Variants in ZEB2 observed in about 807,000 individuals in gnomAD.
ZEB2 encodes the protein zinc finger E-box-binding homeobox 2.
ZEB2 carries 6 observed loss-of-function variants against 99.9 expected under a neutral mutation model. The ratio of observed to expected loss-of-function variants is 0.06; its 90% CI spans 0.03 to 0.12. The LOEUF is 0.12. ZEB2 is among the 10% of genes least tolerant of loss of function. ZEB2 has a pLI of 1.00. For missense variants in ZEB2, 969 were observed against 1,502.8 expected (o/e 0.64, Z 5.87); for synonymous variants, 517 against 542.5 (o/e 0.95, Z 0.65).
chr2:144,429,601 TTACTATCACTTCA>T, intron 3 of ZEB2, 155 bp downstream of exon 3: 1 of 1,053,130 alleles, frequency 9.5e-7, no homozygotes, highest in African/African-American at 1.6e-5. Context: ...TGTGATAACA[TTACTATCACTTCA>T]TAATCTGTCA....
intron 2 of ZEB2, among the ~76,000 whole-genome samples, chr2:144,514,633 T>C (rs1705099239): frequency 6.6e-6 from 1 of 152,218 alleles, no homozygotes; most frequent in Non-Finnish European, 1.5e-5. Context: ...GGGGTGGTAG[T>C]ACTCTTCTAC....
intron 2 of ZEB2, among the ~76,000 whole-genome samples, chr2:144,434,368 G>C (rs1403605387): frequency 6.6e-6 from 1 of 152,086 alleles, no homozygotes; most frequent in East Asian, 1.9e-4. Flanking sequence ...CAATTTATTT[G>C]GAGAAATATA....
intron 2 of ZEB2, among the ~76,000 whole-genome samples, chr2:144,441,164 C>CGAGA (rs113731061): frequency 0.15 from 12,959 of 88,696 alleles, 1,314 homozygotes; most frequent in Admixed American, 0.18. Context: ...TTTAGCTGCA[C>CGAGA]GAGAGAGAGA....
Position 144,388,705 on chromosome 2 carries a change from C to A in ZEB2, c.*746G>T. The A allele has an allele frequency of 4.1e-6, 1 of 244,212 alleles. No homozygotes were observed. The allele number at this position is 244,212 out of a possible 1,614,324, so 15.1% of individuals were successfully genotyped here. ...CTGGTGCAAAGGTAACCCATGTTAC[C>A]CTCTTAACACTGTACAAGGATGGCA... On this transcript the variant is annotated 3_prime_UTR_variant, in exon 10 of 10. Transcript: ENST00000627532. The surrounding 1 kb of genome is among the most constrained non-coding windows in gnomAD (Gnocchi z 5.4).
intron 3 of ZEB2, 122 bp downstream of exon 3, chr2:144,429,647 G>T (rs1370953523): frequency 1.3e-6 from 2 of 1,493,670 alleles, no homozygotes; most frequent in Non-Finnish European, 1.8e-6. Flanking sequence ...TCTCTATTCT[G>T]CAAGGGCTCA....
chr2:144,484,796 C>T lies in ZEB2; in HGVS notation c.73+32482G>A, dbSNP rs73962019. ...TTATTGCCAGGGGAATGTCAGTACACGGTGGAACATTTCCTGAACTCTCTG... is the reference window on the plus strand; with the variant it reads ...TTATTGCCAGGGGAATGTCAGTACATGGTGGAACATTTCCTGAACTCTCTG... On this transcript the variant is annotated intron_variant, in intron 2 of 9. Transcript: ENST00000627532. Among the ~76,000 whole-genome samples the T allele has an allele frequency of 8.8e-3, 1,333 of 151,900 alleles. 19 individuals are homozygous for T. The highest frequency in any genetic ancestry group is 0.028 in the African/African-American group (1,146 of 41,412).
intron 2 of ZEB2, among the ~76,000 whole-genome samples, chr2:144,474,315 G>A (rs530129655): frequency 3.3e-5 from 5 of 152,208 alleles, no homozygotes; most frequent in East Asian, 1.9e-4. Flanking sequence ...ATGTGCTTCC[G>A]AATCAAAGAA....
chr2:144,498,284 G>A (rs561255558), intron 2 of ZEB2, among the ~76,000 whole-genome samples: 62 of 148,860 alleles, frequency 4.2e-4, no homozygotes, highest in Non-Finnish European at 5.6e-4. Context: ...AGGTCCTCGC[G>A]CTCTATTGAC....
At chr2:144,433,734 A>G (rs990336175) in intron 2 of ZEB2, among the ~76,000 whole-genome samples, 2 of 152,216 alleles carry the variant, frequency 1.3e-5, no homozygotes, top group Admixed American at 1.3e-4. Context: ...ACAATACTCT[A>G]AATTATATCA....
At chr2:144,453,505 A>T (rs62169209) in intron 2 of ZEB2, among the ~76,000 whole-genome samples, 13,705 of 152,282 alleles carry the variant, frequency 0.09, 692 homozygotes, top group Non-Finnish European at 0.11. Context: ...TGGAAAAAGA[A>T]ATCATTTTTA....
rs573405343 is a variant in ZEB2 at position 144,392,038 on chromosome 2, A to G, written c.3068-2010T>C. On this transcript the variant is annotated intron_variant, in intron 9 of 9. Coordinates refer to ENST00000627532, the MANE Select transcript of ZEB2 (RefSeq NM_014795.4). ...ATGTTAGATCATGTTATTCTTATTCATTAATACATGTTCAATAATTTCTCA... is the reference window on the plus strand; with the variant it reads ...ATGTTAGATCATGTTATTCTTATTCGTTAATACATGTTCAATAATTTCTCA... 6.6e-5 allele frequency among the ~76,000 whole-genome samples: 10 copies of G among 152,356 alleles called. 1 individual carries two copies. The South Asian group carries it at 2.1e-3, about 32-fold the overall frequency.
intron 4 of ZEB2, among the ~76,000 whole-genome samples, chr2:144,416,746 C>T (rs938631089): frequency 2.0e-5 from 3 of 152,196 alleles, no homozygotes; most frequent in Non-Finnish European, 4.4e-5. Context: ...CTCTCTTTCT[C>T]TCTTGTGCAC....
chr2:144,399,833 T>C lies in ZEB2; in HGVS notation c.1354A>G (p.Thr452Ala), dbSNP rs781770369. ...ACCTCACTTAAATTACTATTCATGG[T>C]GGGAAACCCAAGTAAAGGGGCTTCC... ...GMEAPLLGFP[T>A]MNSNLSEVQK... is the part of the protein sequence containing the mutation. The change falls in exon 8 of 10, where the codon ACC becomes GCC. Residue 452 changes from threonine to alanine, a missense_variant. Transcript: ENST00000627532. The surrounding 1 kb of genome is among the most constrained non-coding windows in gnomAD (Gnocchi z 5.6). 6.2e-6 allele frequency: 10 copies of C among 1,614,066 alleles called. No homozygotes were observed. In the African/African-American group the frequency reaches 1.3e-4, roughly 22 times the overall value.
chr2:144,449,234 G>C (rs560521344), intron 2 of ZEB2, among the ~76,000 whole-genome samples: 2 of 152,230 alleles, frequency 1.3e-5, no homozygotes, highest in Non-Finnish European at 2.9e-5. Context: ...GAGCAGGCGG[G>C]AGAGGAAGCC....
At chr2:144,459,391 A>T (rs1260226963) in intron 2 of ZEB2, among the ~76,000 whole-genome samples, 2 of 152,188 alleles carry the variant, frequency 1.3e-5, no homozygotes, top group African/African-American at 4.8e-5. Context: ...TACCCAGCAC[A>T]ATCAGCCCTC....
chr2:144,512,901 G>T, intron 2 of ZEB2: 1 of 1,287,206 alleles, frequency 7.8e-7, no homozygotes, highest in South Asian at 1.2e-5. Context: ...CACACAACCT[G>T]CCCCAGTGCT....
intron 1 of ZEB2, 67 bp from the exon 2 acceptor site, chr2:144,517,486 A>G (rs1376680332): frequency 1.8e-6 from 2 of 1,120,968 alleles, no homozygotes; most frequent in African/African-American, 3.1e-5. Context: ...CGGGCCGCCC[A>G]GGGGAGCCGG....
Position 144,386,234 on chromosome 2 carries a change from G to A in ZEB2, c.*3217C>T, listed in dbSNP as rs1703081414. ...GATAAAACAGAAGAACACATCTGAT[G>A]TTACTAAAATGCACATCTCTTGGTT... On this transcript the variant is annotated 3_prime_UTR_variant, in exon 10 of 10. Transcript: ENST00000627532. 1 of 152,194 alleles carries A rather than the reference G, an allele frequency of 6.6e-6. No homozygotes were observed. 9.4% of individuals were successfully genotyped at this position (152,194 alleles called of 1,614,324 possible).
intron 5 of ZEB2, among the ~76,000 whole-genome samples, chr2:144,404,369 TG>T (rs1300136448): frequency 1.4e-4 from 9 of 62,392 alleles, no homozygotes; most frequent in East Asian, 1.5e-3. Flanking sequence ...TTTTTTTTTT[TG>T]GGGGGGTGGG....
Sources: gnomAD v4.1 joint callset for allele counts (sites outside exome capture counted in the v4.1 genomes callset) on GRCh38, gnomAD v4.1.1 for gene constraint, Gnocchi (gnomAD v3.1) non-coding constraint, MANE v1.5 for transcripts, NCBI Gene and HGNC (gene_info 2026-07-23, HGNC 2026-07-21) for gene names.